UGGT2: variants seen among roughly 807,000 people sequenced by gnomAD.
UGGT2 encodes UDP-glucose glycoprotein glucosyltransferase 2, also known as UDP-glucose:glycoprotein glucosyltransferase 2.
A neutral mutation model predicts 192.1 loss-of-function variants in UGGT2; 180 were observed. The ratio of observed to expected loss-of-function variants is 0.94; its 90% CI spans 0.83 to 1.06. The LOEUF (loss-of-function observed/expected upper bound fraction) is 1.06, where lower values mean the gene tolerates loss of function less well. Ranked by LOEUF, UGGT2 falls within the 50% of genes least tolerant of loss-of-function variation. The pLI, the probability that UGGT2 is intolerant of heterozygous loss-of-function variation, is 0.00. For missense variants in UGGT2, 1,849 were observed against 1,795.7 expected, an observed-to-expected ratio of 1.03 and a Z score of -0.54; for synonymous variants, 580 against 591.0, an observed-to-expected ratio of 0.98 and a Z score of 0.27.
chr13:95,860,856 G>A lies in UGGT2; in HGVS notation c.3672C>T (p.Asn1224=), dbSNP rs766848564. 1.9e-6 allele frequency: 3 copies of A among 1,562,102 alleles called. No homozygotes were observed. In the African/African-American group the frequency reaches 4.1e-5, roughly 22 times the overall value. The change falls in exon 32 of 39, where the codon AAC becomes AAT. Residue 1224 remains asparagine, a synonymous_variant. Coordinates refer to ENST00000376747, the MANE Select transcript of UGGT2 (RefSeq NM_020121.4). Reference sequence around the variant, plus strand: ...TGTTTAGGACATCTTTTTCCTTTTTGTTTTCTTTATGCAAGCTTACTGTGA... The same window carrying A: ...TGTTTAGGACATCTTTTTCCTTTTTATTTTCTTTATGCAAGCTTACTGTGA... ...KSFTVSLHKE[N]KKEKDVLNIF...
At chr13:95,986,066 C>G (rs1411270911) in intron 9 of UGGT2, among the ~76,000 whole-genome samples, 1 of 152,062 alleles carries the variant, frequency 6.6e-6, no homozygotes, top group Non-Finnish European at 1.5e-5. Flanking sequence ...GATTACTATG[C>G]ATGATTTTAG....
intron 12 of UGGT2, among the ~76,000 whole-genome samples, chr13:95,963,805 G>T (rs1222878331): frequency 6.6e-6 from 1 of 151,864 alleles, no homozygotes; most frequent in Non-Finnish European, 1.5e-5. Context: ...AAATACTTAG[G>T]AATTAATTTA....
intron 1 of UGGT2, among the ~76,000 whole-genome samples, chr13:96,038,973 GT>G (rs2053086902): frequency 6.6e-6 from 1 of 152,134 alleles, no homozygotes; most frequent in Non-Finnish European, 1.5e-5. Flanking sequence ...TAGAAAACAA[GT>G]TATGTTTCCA....
chr13:95,984,230 AT>A (rs1360804189), intron 9 of UGGT2, among the ~76,000 whole-genome samples: 1 of 152,196 alleles, frequency 6.6e-6, no homozygotes, highest in Non-Finnish European at 1.5e-5. Context: ...TACATGAAGA[AT>A]TTTTTAGTTA....
At chr13:95,833,663 A>T (rs1886969904) in intron 37 of UGGT2, among the ~76,000 whole-genome samples, 1 of 152,216 alleles carries the variant, frequency 6.6e-6, no homozygotes, top group Non-Finnish European at 1.5e-5. Context: ...TAAGAGTCTG[A>T]CACACTATGT....
chr13:95,883,984 T>C (rs1196750960), intron 27 of UGGT2, among the ~76,000 whole-genome samples: 1 of 150,508 alleles, frequency 6.6e-6, no homozygotes, highest in Non-Finnish European at 1.5e-5. Flanking sequence ...ATACCTGGCC[T>C]GTAGTATACC....
intron 38 of UGGT2, among the ~76,000 whole-genome samples, chr13:95,828,398 G>C (rs1024042265): frequency 2.0e-5 from 3 of 152,050 alleles, no homozygotes; most frequent in Admixed American, 6.6e-5. Context: ...TTTTTGAAAA[G>C]ATCAACAAAA....
intron 5 of UGGT2, among the ~76,000 whole-genome samples, chr13:96,009,403 G>A (rs186288465): frequency 2.0e-5 from 3 of 152,258 alleles, no homozygotes; most frequent in East Asian, 1.9e-4. Flanking sequence ...GAGTAAACAC[G>A]CAACCTACAG....
chr13:95,839,993 T>A (rs534588413), intron 36 of UGGT2, among the ~76,000 whole-genome samples: 14 of 152,326 alleles, frequency 9.2e-5, no homozygotes, highest in South Asian at 2.1e-4. Context: ...ATATTTCGTA[T>A]TTAAATGTCT....
At chr13:95,809,203 A>T in intron 38 of UGGT2, 2 of 499,290 alleles carry the variant, frequency 4.0e-6, no homozygotes, top group Non-Finnish European at 7.5e-6. Context: ...ATGTTTCTAG[A>T]GCTACTAAAA....
intron 33 of UGGT2, among the ~76,000 whole-genome samples, chr13:95,857,313 C>T (rs374487203): frequency 9.1e-4 from 139 of 151,954 alleles, no homozygotes; most frequent in East Asian, 1.7e-3. Context: ...TTCACTGAAA[C>T]GGGCACTGTT....
intron 1 of UGGT2, among the ~76,000 whole-genome samples, chr13:96,044,214 C>T (rs1259918114): frequency 1.3e-5 from 2 of 152,130 alleles, no homozygotes; most frequent in South Asian, 2.1e-4. Context: ...CTAAAAGGAA[C>T]CTTCAAAACC....
intron 20 of UGGT2, among the ~76,000 whole-genome samples, chr13:95,905,355 A>T (rs1312472698): frequency 1.6e-4 from 24 of 151,352 alleles, no homozygotes; most frequent in Non-Finnish European, 3.2e-4. Context: ...GGTGTTTTAG[A>T]CATGAAGTCC....
At chr13:95,915,686 G>A (rs2048659578) in intron 20 of UGGT2, among the ~76,000 whole-genome samples, 1 of 152,200 alleles carries the variant, frequency 6.6e-6, no homozygotes, top group African/African-American at 2.4e-5. Flanking sequence ...CTGCAGATTG[G>A]TCGACTCAGC....
chr13:96,026,837 A>G (rs1426076830), intron 2 of UGGT2, among the ~76,000 whole-genome samples: 1 of 151,546 alleles, frequency 6.6e-6, no homozygotes, highest in African/African-American at 2.4e-5. Context: ...GCGCCCGGCT[A>G]ATTTTTTGTA....
At chr13:95,995,834 C>T (rs937180891) in intron 7 of UGGT2, 2 of 493,156 alleles carry the variant, frequency 4.1e-6, no homozygotes, top group African/African-American at 2.0e-5. Flanking sequence ...TGAGTTATCT[C>T]TTTAATTGTG....
intron 27 of UGGT2, among the ~76,000 whole-genome samples, chr13:95,878,866 G>GT (rs1235146980): frequency 3.9e-5 from 6 of 152,002 alleles, no homozygotes; most frequent in Non-Finnish European, 1.5e-5. Flanking sequence ...TATTTTACTG[G>GT]TTTTAAGAAC....
At chr13:96,025,651 T>G (rs538134260) in intron 2 of UGGT2, among the ~76,000 whole-genome samples, 1 of 152,276 alleles carries the variant, frequency 6.6e-6, no homozygotes, top group African/African-American at 2.4e-5. Flanking sequence ...TCTTATGTTG[T>G]CCATCTGATT....
At chr13:96,040,324 GCTGTTCCTTGGCTTGAGGCTGCCTAA>G (rs1481689254) in intron 1 of UGGT2, among the ~76,000 whole-genome samples, 57 of 152,188 alleles carry the variant, frequency 3.7e-4, no homozygotes, top group African/African-American at 1.3e-3. Context: ...GGTGGCTTCA[GCTGTTCCTTGGCTTGAGGCTGCCTAA>G]CTCCAATCTC....
Sources: allele counts gnomAD v4.1 joint callset (sites outside exome capture counted in the v4.1 genomes callset), GRCh38; gene constraint gnomAD v4.1.1; transcripts MANE v1.5; gene names NCBI Gene and HGNC (gene_info 2026-07-23, HGNC 2026-07-21).